Variants in IL34 observed in about 807,000 individuals in gnomAD.
The protein encoded by IL34 is interleukin-34.
Under a neutral mutation model 25.3 loss-of-function variants are expected in IL34, and 17 were observed. The ratio of observed to expected loss-of-function variants is 0.67; its 90% CI spans 0.46 to 1.01. The LOEUF (loss-of-function observed/expected upper bound fraction) is 1.01, where lower values mean the gene tolerates loss of function less well. IL34 is among the 50% of genes least tolerant of loss of function. The pLI is 0.00. For missense variants in IL34, 368 were observed against 312.9 expected (o/e 1.18, Z -1.33); for synonymous variants, 174 against 140.9 (o/e 1.23, Z -1.66).
intron 1 of IL34, among the ~76,000 whole-genome samples, chr16:70,651,492 C>G (rs147278330): frequency 3.4e-4 from 52 of 152,286 alleles, no homozygotes; most frequent in Admixed American, 1.2e-3. Flanking sequence ...ATATGGGGTA[C>G]AGGGCTTGAG....
intron 1 of IL34, among the ~76,000 whole-genome samples, chr16:70,612,679 A>G (rs1369004060): frequency 6.6e-6 from 1 of 152,248 alleles, no homozygotes; most frequent in Non-Finnish European, 1.5e-5. Flanking sequence ...TGAGTTGGAA[A>G]AACGCACACA....
intron 1 of IL34, among the ~76,000 whole-genome samples, chr16:70,624,068 GAGA>G (rs1567449959): frequency 3.3e-5 from 5 of 152,224 alleles, no homozygotes; most frequent in African/African-American, 7.2e-5. Flanking sequence ...CCGCTAAGCC[GAGA>G]AGGAGTCAGT....
At chr16:70,621,845 C>T (rs1597752974) in intron 1 of IL34, among the ~76,000 whole-genome samples, 1 of 151,800 alleles carries the variant, frequency 6.6e-6, no homozygotes, top group East Asian at 1.9e-4. Flanking sequence ...GTTTTTGAGC[C>T]AGGATGAGCC....
intron 1 of IL34, among the ~76,000 whole-genome samples, chr16:70,647,289 C>A (rs904066597): frequency 1.3e-5 from 2 of 152,070 alleles, no homozygotes; most frequent in Admixed American, 6.6e-5. Flanking sequence ...TGTTGGGGAG[C>A]CCCGGGCGGG....
intron 1 of IL34, among the ~76,000 whole-genome samples, chr16:70,650,865 G>A (rs919582145): frequency 3.3e-5 from 5 of 152,126 alleles, no homozygotes; most frequent in African/African-American, 9.7e-5. Flanking sequence ...TGCTTGAGGC[G>A]AATCCCCAAA....
At chr16:70,649,659 C>T (rs1384648668) in intron 1 of IL34, among the ~76,000 whole-genome samples, 1 of 152,108 alleles carries the variant, frequency 6.6e-6, no homozygotes, top group Non-Finnish European at 1.5e-5. Flanking sequence ...AGATTTGGTC[C>T]CCGGGGCTGG....
At chr16:70,621,617 G>A (rs902613221) in intron 1 of IL34, among the ~76,000 whole-genome samples, 2 of 152,072 alleles carry the variant, frequency 1.3e-5, no homozygotes, top group African/African-American at 2.4e-5. Flanking sequence ...AATTTCATGC[G>A]CGTCCGTGTG....
chr16:70,642,294 CTT>C (rs531744889), upstream of IL34, among the ~76,000 whole-genome samples: 6 of 116,930 alleles, frequency 5.1e-5, no homozygotes, highest in Admixed American at 9.0e-5. Context: ...ACTCTGATGT[CTT>C]TTTTTTTTTT....
chr16:70,623,156 C>T (rs148480970), intron 1 of IL34, among the ~76,000 whole-genome samples: 23 of 152,062 alleles, frequency 1.5e-4, no homozygotes, highest in African/African-American at 3.9e-4. Flanking sequence ...CTGTCTGTGA[C>T]GCCTTGCAGC....
At chr16:70,600,893 T>TAGGAGATGCTGGAAGAAATG (rs2050904979) in intron 1 of IL34, among the ~76,000 whole-genome samples, 1 of 146,084 alleles carries the variant, frequency 6.8e-6, no homozygotes, top group African/African-American at 2.7e-5. Flanking sequence ...CTGGGAGAAG[T>TAGGAGATGCTGGAAGAAATG]AGGAGATGCT....
intron 1 of IL34, among the ~76,000 whole-genome samples, chr16:70,614,394 CT>C: frequency 6.6e-6 from 1 of 152,250 alleles, no homozygotes; most frequent in East Asian, 1.9e-4. Context: ...TCATGGGCCC[CT>C]GACCTACTGA....
At chr16:70,638,255 C>G (rs921921631) in intron 1 of IL34, among the ~76,000 whole-genome samples, 1 of 151,962 alleles carries the variant, frequency 6.6e-6, no homozygotes, top group African/African-American at 2.4e-5. Flanking sequence ...GGTAGGAGGA[C>G]CACTTGAGCC....
upstream of IL34, among the ~76,000 whole-genome samples, chr16:70,642,393 G>A (rs554088349): frequency 6.6e-5 from 10 of 150,570 alleles, no homozygotes; most frequent in African/African-American, 2.4e-4. Context: ...TGCCCTCTGA[G>A]TTCAAGCGAT....
chr16:70,636,069 C>T (rs148321363), intron 1 of IL34, among the ~76,000 whole-genome samples: 78 of 150,710 alleles, frequency 5.2e-4, no homozygotes, highest in African/African-American at 1.7e-3. Context: ...GAGACAGTCT[C>T]GCTCTGTTGC....
In IL34 at chr16:70,646,800, C is replaced by T. The variant is rs529675813; in HGVS notation, c.-148C>T. Reference sequence around the variant, plus strand: ...TGCCCTTGGGGCACCTGCTCACTCCCGCAGCCCAGCCACTCCTCCAGGGCC... The same window carrying T: ...TGCCCTTGGGGCACCTGCTCACTCCTGCAGCCCAGCCACTCCTCCAGGGCC... On this transcript the variant is annotated 5_prime_UTR_variant, in exon 1 of 6. Coordinates refer to ENST00000288098, the MANE Select transcript of IL34 (RefSeq NM_001393494.1). The T allele has an allele frequency of 1.7e-5, 12 of 708,328 alleles. 1 individual carries two copies. Among genetic ancestry groups the T allele is most frequent in the Middle Eastern group, 3.9e-4 (1 of 2,586 alleles). The allele number at this position is 708,328 out of a possible 1,614,324, so 43.9% of individuals were successfully genotyped here. A position where few individuals can be genotyped will look rare whatever the true frequency, so the allele number is the denominator to read the frequency against.
chr16:70,600,797 A>G (rs1282339429), intron 1 of IL34, among the ~76,000 whole-genome samples: 1 of 151,322 alleles, frequency 6.6e-6, no homozygotes, highest in Non-Finnish European at 1.5e-5. Flanking sequence ...GCTGGGAGAG[A>G]TGGGGATGCT....
At chr16:70,657,470 G>C (rs909206663) in intron 4 of IL34, 7 of 244,928 alleles carry the variant, frequency 2.9e-5, no homozygotes, top group African/African-American at 1.6e-4. Flanking sequence ...GGGAAGAATG[G>C]ATGGAGCACA....
intron 1 of IL34, among the ~76,000 whole-genome samples, chr16:70,637,946 A>G (rs1361521709): frequency 6.6e-6 from 1 of 152,152 alleles, no homozygotes; most frequent in East Asian, 1.9e-4. Flanking sequence ...GGTGGTTTCC[A>G]GGTTTTTTTG....
intron 1 of IL34, among the ~76,000 whole-genome samples, chr16:70,616,333 T>A (rs1040394670): frequency 2.0e-5 from 3 of 152,242 alleles, no homozygotes; most frequent in Non-Finnish European, 4.4e-5. Flanking sequence ...TTTGCCCGCA[T>A]CATTGCCAAC....
Sources: gnomAD v4.1 joint callset for allele counts (sites outside exome capture counted in the v4.1 genomes callset) on GRCh38, gnomAD v4.1.1 for gene constraint, MANE v1.5 for transcripts, NCBI Gene and HGNC (gene_info 2026-07-23, HGNC 2026-07-21) for gene names.